NLRP14: variants seen among roughly 807,000 people sequenced by gnomAD.
NLRP14 encodes the protein NLR family pyrin domain containing 14.
A neutral mutation model predicts 94.7 loss-of-function variants in NLRP14; 105 were observed. The observed-to-expected ratio is 1.11, with a 90% confidence interval of 0.95 to 1.30. The LOEUF (loss-of-function observed/expected upper bound fraction) is 1.30. NLRP14 is among the 50% of genes most tolerant of loss of function. The probability of loss-of-function intolerance (pLI) is 0.00; values close to 1 mark genes in which losing one functional copy is unlikely to be tolerated. For missense variants in NLRP14, 1,362 were observed against 1,254.1 expected (o/e 1.09, Z -1.30); for synonymous variants, 508 against 459.9 (o/e 1.10, Z -1.34).
At chr11:7,047,025 G>C (rs557226909) in intron 5 of NLRP14, among the ~76,000 whole-genome samples, 193 bp downstream of exon 5, 3 of 152,290 alleles carry the variant, frequency 2.0e-5, no homozygotes, top group African/African-American at 7.2e-5. Flanking sequence ...ATTCCACAGG[G>C]CATAGTAGCT....
chr11:7,025,708 G>A (rs556675280), intron 1 of NLRP14, among the ~76,000 whole-genome samples: 32 of 152,198 alleles, frequency 2.1e-4, no homozygotes, highest in African/African-American at 7.7e-4. Context: ...TCAAATAATT[G>A]AAGGTTAATT....
chr11:7,046,614 C>A (rs1852354172), intron 4 of NLRP14, 54 bp from the exon 5 acceptor site: 7 of 1,524,234 alleles, frequency 4.6e-6, no homozygotes, highest in Non-Finnish European at 6.4e-6. Flanking sequence ...TGAGAGTTGG[C>A]TAGGCTGAAA....
the NLRP14 span, chr11:7,090,265 G>C: frequency 6.2e-7 from 1 of 1,606,644 alleles, no homozygotes; most frequent in Non-Finnish European, 8.5e-7. Flanking sequence ...CTAGGAGGCC[G>C]CTTGGAGAGA....
At chr11:7,090,075 T>C in the NLRP14 span, 1 of 1,612,252 alleles carries the variant, frequency 6.2e-7, no homozygotes, top group African/African-American at 1.3e-5. Flanking sequence ...ACCCGATGCC[T>C]ACAGCGGCGG....
chr11:7,030,343 G>A (rs1181088962), intron 1 of NLRP14, among the ~76,000 whole-genome samples: 1 of 152,202 alleles, frequency 6.6e-6, no homozygotes, highest in Non-Finnish European at 1.5e-5. Flanking sequence ...ATTTGACTCA[G>A]CTGTTCCTTA....
chr11:7,039,215 A>G (rs541319983), intron 2 of NLRP14, among the ~76,000 whole-genome samples: 2 of 152,316 alleles, frequency 1.3e-5, no homozygotes, highest in South Asian at 2.1e-4. Flanking sequence ...GGAATCAAAT[A>G]TGATTTAACA....
At position 7,046,741 on chromosome 11, in the gene NLRP14, T is replaced by C. The variant is rs539409185; in HGVS notation, c.2032T>C (p.Leu678=). The C allele has an allele frequency of 2.0e-5, 33 of 1,613,478 alleles. No homozygotes were observed. Among genetic ancestry groups the C allele is most frequent in the South Asian group, 1.3e-4 (12 of 91,052 alleles). ...VLHTNEHLRE[L]DLYHSNLDKS... Reference sequence around the variant, plus strand: ...TCATACAAATGAACACTTGAGAGAATTGGACCTGTACCATAGCAACCTTGA... The same window carrying C: ...TCATACAAATGAACACTTGAGAGAACTGGACCTGTACCATAGCAACCTTGA... The change falls in exon 5 of 12, where the codon TTG becomes CTG. Residue 678 remains leucine (L), a synonymous_variant. Coordinates refer to ENST00000299481, the MANE Select transcript of NLRP14 (RefSeq NM_176822.4).
At chr11:7,089,837 C>G in the NLRP14 span, 1 of 1,611,216 alleles carries the variant, frequency 6.2e-7, no homozygotes, top group Admixed American at 1.7e-5. Flanking sequence ...GAGAGTACAC[C>G]CACCGCGATT....
intron 5 of NLRP14, among the ~76,000 whole-genome samples, chr11:7,047,312 C>T (rs7936739): frequency 0.38 from 27,718 of 73,350 alleles, 3,026 homozygotes; most frequent in Middle Eastern, 0.48. Context: ...CCCTTGTACC[C>T]CTTTCGTTTT....
chr11:7,078,942 A>C, the NLRP14 span, among the ~76,000 whole-genome samples: 41 of 152,334 alleles, frequency 2.7e-4, no homozygotes, highest in African/African-American at 9.4e-4. Flanking sequence ...TGAAGATAGC[A>C]GGAACAAAGT....
intron 10 of NLRP14, among the ~76,000 whole-genome samples, chr11:7,066,621 C>T (rs759220264): frequency 1.5e-4 from 23 of 152,148 alleles, no homozygotes; most frequent in Non-Finnish European, 3.1e-4. Flanking sequence ...AGATTGCAAA[C>T]TTTCTCCCAT....
chr11:7,031,369 G>T (rs966582031), intron 1 of NLRP14, among the ~76,000 whole-genome samples: 23 of 152,210 alleles, frequency 1.5e-4, no homozygotes, highest in African/African-American at 5.1e-4. Context: ...AGGATGAGCT[G>T]CCAGGACACC....
At chr11:7,066,069 T>C (rs1203881412) in intron 10 of NLRP14, among the ~76,000 whole-genome samples, 2 of 152,226 alleles carry the variant, frequency 1.3e-5, no homozygotes, top group Non-Finnish European at 2.9e-5. Context: ...TAGTATTCCA[T>C]GGTGTATATG....
intron 6 of NLRP14, among the ~76,000 whole-genome samples, chr11:7,053,587 T>A (rs1397198405): frequency 1.3e-5 from 2 of 151,668 alleles, no homozygotes; most frequent in Non-Finnish European, 2.9e-5. Flanking sequence ...AGAAGTTTTG[T>A]GGTCTAAAAA....
intron 3 of NLRP14, among the ~76,000 whole-genome samples, chr11:7,040,793 C>T (rs184685022): frequency 6.6e-6 from 1 of 152,220 alleles, no homozygotes; most frequent in East Asian, 1.9e-4. Flanking sequence ...TCTTAAATGA[C>T]CTTGAATATA....
Position 7,043,244 on chromosome 11 carries a change from C to G in NLRP14, c.1218C>G (p.Ser406Arg). The stretch of plus-strand genomic sequence containing the variant: ...CTCTGTTTACCTGCTATATTTCTAG[C>G]TTGTTCACACCAGTAGATGGAGGCT... ...TTALFTCYISSLFTPVDGGSP... is the reference protein window; with the variant it reads ...TTALFTCYISRLFTPVDGGSP... Residue 406 changes from serine (S) to arginine (R), a missense_variant, in exon 4 of 12, where the codon AGC becomes AGG. Ser to Arg is a moderately radical substitution (Grantham distance 110, BLOSUM62 -1). Coordinates refer to ENST00000299481, the MANE Select transcript of NLRP14 (RefSeq NM_176822.4). The G allele has an allele frequency of 6.2e-7, 1 of 1,614,180 alleles. No homozygotes were observed. Among genetic ancestry groups the G allele is most frequent in the South Asian group, 1.1e-5 (1 of 91,080 alleles).
At chr11:7,044,066 T>C in intron 4 of NLRP14, 82 bp downstream of exon 4, 4 of 1,345,250 alleles carry the variant, frequency 3.0e-6, no homozygotes, top group Non-Finnish European at 2.1e-6. Context: ...GGCGTTTAGC[T>C]GAGGTCCCAG....
At chr11:7,041,833 C>A (rs961890335) in intron 3 of NLRP14, among the ~76,000 whole-genome samples, 1 of 152,118 alleles carries the variant, frequency 6.6e-6, no homozygotes, top group Admixed American at 6.6e-5. Flanking sequence ...CAGACTTAAA[C>A]AAGTAAAGAT....
In NLRP14 at chr11:7,046,833, G is replaced by A. The variant is rs779706533; in HGVS notation, c.2123+1G>A. The A allele has an allele frequency of 6.2e-7, 1 of 1,608,364 alleles. No individual in the cohort carries two copies. Among genetic ancestry groups the A allele is most frequent in the South Asian group, 1.1e-5 (1 of 90,962 alleles). ...CAAACTGTAAACTACAAAAGCTACTGTAAGTCTGGTATGAGAAAATTTAAT... is the reference window on the plus strand; with the variant it reads ...CAAACTGTAAACTACAAAAGCTACTATAAGTCTGGTATGAGAAAATTTAAT... On this transcript the variant is annotated splice_donor_variant, in intron 5 of 11. Transcript: ENST00000299481. LOFTEE classifies it high-confidence loss of function.
Sources: allele counts gnomAD v4.1 joint callset (sites outside exome capture counted in the v4.1 genomes callset), GRCh38; gene constraint gnomAD v4.1.1; transcripts MANE v1.5; gene names NCBI Gene and HGNC (gene_info 2026-07-23, HGNC 2026-07-21).